Variants in GRM8 observed in about 807,000 individuals in gnomAD.
GRM8 encodes the protein glutamate metabotropic receptor 8, also known as metabotropic glutamate receptor 8.
A neutral mutation model predicts 87.2 loss-of-function variants in GRM8; 47 were observed. That is an observed-to-expected ratio of 0.54 (90% CI 0.43 to 0.69). The LOEUF is 0.69. Ranked by LOEUF, GRM8 falls within the 30% of genes least tolerant of loss-of-function variation. GRM8 has a pLI of 0.00. For missense variants in GRM8, 1,019 were observed against 1,139.2 expected (o/e 0.89, Z 1.52); for synonymous variants, 396 against 404.5 (o/e 0.98, Z 0.25).
chr7:127,120,377 G>A (rs1827009912), intron 2 of GRM8, among the ~76,000 whole-genome samples: 1 of 152,168 alleles, frequency 6.6e-6, no homozygotes, highest in Non-Finnish European at 1.5e-5. Context: ...AAATTCAACA[G>A]TATTGACTAC....
At chr7:127,208,762 T>C (rs1412113363) in intron 2 of GRM8, among the ~76,000 whole-genome samples, 3 of 152,190 alleles carry the variant, frequency 2.0e-5, no homozygotes, top group Non-Finnish European at 4.4e-5. Context: ...GTACACTTGA[T>C]GTGATCTAGC....
chr7:126,820,018 CCTAA>C (rs1563217695), intron 6 of GRM8, among the ~76,000 whole-genome samples: 1 of 152,054 alleles, frequency 6.6e-6, no homozygotes, highest in Non-Finnish European at 1.5e-5. Context: ...AGTAAGACTT[CCTAA>C]CTAAATTTTT....
chr7:126,596,507 A>G (rs1797214094), intron 8 of GRM8, among the ~76,000 whole-genome samples: 1 of 152,056 alleles, frequency 6.6e-6, no homozygotes, highest in South Asian at 2.1e-4. Context: ...ATGGGGTTGT[A>G]TAACATTCTA....
At chr7:127,098,866 C>T (rs1563506180) in intron 3 of GRM8, among the ~76,000 whole-genome samples, 1 of 152,142 alleles carries the variant, frequency 6.6e-6, no homozygotes, top group Non-Finnish European at 1.5e-5. Context: ...GGCCTGTCAT[C>T]TTCAATAAGC....
chr7:126,537,964 C>T (rs543839439), intron 8 of GRM8, among the ~76,000 whole-genome samples: 3 of 152,244 alleles, frequency 2.0e-5, no homozygotes, highest in South Asian at 4.2e-4. Context: ...AATTTGCCTT[C>T]CTCACCTTTG....
In GRM8 at chr7:126,921,819, C is replaced by T. The variant is rs1804563514; in HGVS notation, c.728-17136G>A. On this transcript the variant is annotated intron_variant, in intron 3 of 10. Coordinates refer to ENST00000339582, the MANE Select transcript of GRM8 (RefSeq NM_000845.3). ...TCCATGCATACCTTTTTTTAGGAAG[C>T]TTCTCAGGGATGGAATGAAGCTTTC... Among the ~76,000 whole-genome samples, 3 of 151,862 alleles carry T rather than the reference C, an allele frequency of 2.0e-5. No homozygotes were observed. The South Asian group carries it at 6.2e-4, about 32-fold the overall frequency.
At chr7:127,100,864 C>T (rs1825174754) in intron 3 of GRM8, among the ~76,000 whole-genome samples, 1 of 152,168 alleles carries the variant, frequency 6.6e-6, no homozygotes, top group Non-Finnish European at 1.5e-5. Context: ...AGCTTCTCCC[C>T]ATGAGTCCAT....
chr7:127,062,168 G>T (rs534371122), intron 3 of GRM8, among the ~76,000 whole-genome samples: 1 of 150,888 alleles, frequency 6.6e-6, no homozygotes, highest in Non-Finnish European at 1.5e-5. Context: ...GAGAGAGAAA[G>T]AAAGAAAAGA....
At chr7:126,716,931 G>A (rs141558856) in intron 7 of GRM8, among the ~76,000 whole-genome samples, 2,169 of 152,200 alleles carry the variant, frequency 0.014, 26 homozygotes, top group Non-Finnish European at 0.019. Flanking sequence ...AACATGTCAA[G>A]AGGAGCAGAA....
chr7:127,047,599 C>T (rs1433542944), intron 3 of GRM8, among the ~76,000 whole-genome samples: 1 of 151,996 alleles, frequency 6.6e-6, no homozygotes, highest in Non-Finnish European at 1.5e-5. Flanking sequence ...GAGGCTGAGG[C>T]AGGAGTATCA....
chr7:126,758,676 A>G (rs1284012603), intron 7 of GRM8, among the ~76,000 whole-genome samples: 3 of 152,206 alleles, frequency 2.0e-5, no homozygotes. Context: ...TGCACATTAA[A>G]TACCATAAAT....
chr7:126,537,634 G>A (rs987065940), intron 8 of GRM8, among the ~76,000 whole-genome samples: 3 of 151,920 alleles, frequency 2.0e-5, no homozygotes, highest in Non-Finnish European at 2.9e-5. Flanking sequence ...AAAATTAGCC[G>A]GGCATGGTGG....
intron 6 of GRM8, 30 bp from the exon 7 acceptor site, chr7:126,770,095 T>C: frequency 3.4e-6 from 5 of 1,481,094 alleles, no homozygotes; most frequent in Middle Eastern, 1.7e-4. Flanking sequence ...AAACCATCAG[T>C]TGATGTTAGA....
intron 2 of GRM8, among the ~76,000 whole-genome samples, chr7:127,218,046 G>T (rs1796682338): frequency 6.6e-6 from 1 of 152,178 alleles, no homozygotes; most frequent in African/African-American, 2.4e-5. Flanking sequence ...TCTCATGAGT[G>T]GGGCCCAGAA....
At position 126,579,995 on chromosome 7, in the gene GRM8, G is replaced by GA. The variant is rs530169461; in HGVS notation, c.1494+29366dup. 2.0e-3 allele frequency among the ~76,000 whole-genome samples: 298 copies of GA among 147,868 alleles called. 1 individual carries two copies. Among genetic ancestry groups the GA allele is most frequent in the Non-Finnish European group, 3.0e-3 (201 of 66,650 alleles). ...AAAAGAAAACGTGCTTATCCCATATGAAAAAAAAAAGTTGTGGTTAGAACA... is the reference window on the plus strand; with the variant it reads ...AAAAGAAAACGTGCTTATCCCATATGAAAAAAAAAAAGTTGTGGTTAGAACA... On this transcript the variant is annotated intron_variant, in intron 8 of 10. Transcript: ENST00000339582.
chr7:126,451,571 A>C (rs752242247), intron 9 of GRM8, among the ~76,000 whole-genome samples: 5 of 151,700 alleles, frequency 3.3e-5, no homozygotes, highest in Middle Eastern at 3.2e-3. Context: ...ATTATTCATA[A>C]ACTGAATTAG....
At chr7:127,074,442 GCTC>G (rs1822051023) in intron 3 of GRM8, among the ~76,000 whole-genome samples, 1 of 152,186 alleles carries the variant, frequency 6.6e-6, no homozygotes, top group Non-Finnish European at 1.5e-5. Flanking sequence ...GCAGGGGGCT[GCTC>G]CTCCTCTGGG....
chr7:126,611,462 C>G (rs1180453914), intron 7 of GRM8, among the ~76,000 whole-genome samples: 1 of 152,200 alleles, frequency 6.6e-6, no homozygotes, highest in Non-Finnish European at 1.5e-5. Context: ...TGAAAGTTCT[C>G]TAAGTGATGG....
At chr7:126,487,659 T>C (rs1247213939) in intron 9 of GRM8, among the ~76,000 whole-genome samples, 1 of 151,990 alleles carries the variant, frequency 6.6e-6, no homozygotes, top group Non-Finnish European at 1.5e-5. Context: ...CCTAATATCA[T>C]ACATTTCTCA....
Sources: gnomAD v4.1 joint callset for allele counts (sites outside exome capture counted in the v4.1 genomes callset) on GRCh38, gnomAD v4.1.1 for gene constraint, MANE v1.5 for transcripts, NCBI Gene and HGNC (gene_info 2026-07-23, HGNC 2026-07-21) for gene names.